Variants in CXXC5 observed in about 807,000 individuals in gnomAD.
CXXC5 encodes CXXC finger protein 5, also known as CXXC-type zinc finger protein 5.
A neutral mutation model predicts 17.6 loss-of-function variants in CXXC5; 2 were observed. The ratio of observed to expected loss-of-function variants is 0.11; its 90% CI spans 0.05 to 0.36. The LOEUF (loss-of-function observed/expected upper bound fraction) is 0.36, where lower values mean the gene tolerates loss of function less well. Ranked by LOEUF, CXXC5 falls within the 10% of genes least tolerant of loss-of-function variation. The probability of loss-of-function intolerance (pLI) is 1.00; values close to 1 mark genes in which losing one functional copy is unlikely to be tolerated. For synonymous variants in CXXC5, 171 were observed against 193.0 expected, an observed-to-expected ratio of 0.89 and a Z score of 0.94; for missense variants, 343 against 458.3, an observed-to-expected ratio of 0.75 and a Z score of 2.30.
Position 139,648,562 on chromosome 5 carries a change from C to A in CXXC5, c.-444C>A, listed in dbSNP as rs1754981237. On this transcript the variant is annotated 5_prime_UTR_variant, in exon 1 of 3. Coordinates refer to ENST00000302517, the MANE Select transcript of CXXC5 (RefSeq NM_016463.9). ...GGCGCCGCACGCTGAGCCCTCCGCCCGCGAGCCGCGCTCAGCTCGGGGGTG... is the reference window on the plus strand; with the variant it reads ...GGCGCCGCACGCTGAGCCCTCCGCCAGCGAGCCGCGCTCAGCTCGGGGGTG... 6.6e-6 allele frequency: 1 copy of A among 151,966 alleles called. No individual in the cohort carries two copies. The highest frequency in any genetic ancestry group is 2.4e-5 in the African/African-American group (1 of 41,468). 9.4% of individuals were successfully genotyped at this position (151,966 alleles called of 1,614,324 possible). A position where few individuals can be genotyped will look rare whatever the true frequency, so the allele number is the denominator to read the frequency against.
intron 1 of CXXC5, 62 bp from the exon 2 acceptor site, chr5:139,680,302 G>C: frequency 1.6e-6 from 1 of 607,812 alleles, no homozygotes. Flanking sequence ...TAGTGGCGGT[G>C]GTGGCGATGT....
chr5:139,679,091 C>T (rs553415853), intron 1 of CXXC5, among the ~76,000 whole-genome samples: 101 of 152,328 alleles, frequency 6.6e-4, no homozygotes, highest in Non-Finnish European at 9.6e-4. Flanking sequence ...GGGCTCCATT[C>T]CCTTGAGGGT....
chr5:139,659,614 G>T (rs1755670457), intron 1 of CXXC5: 1 of 152,278 alleles, frequency 6.6e-6, no homozygotes, highest in African/African-American at 2.4e-5. Context: ...CCGCTGCGGG[G>T]GTGGCAGATG....
At chr5:139,653,617 GTCTGGTCCCAACCTT>G (rs1243909525) in intron 1 of CXXC5, among the ~76,000 whole-genome samples, 1 of 152,130 alleles carries the variant, frequency 6.6e-6, no homozygotes, top group Admixed American at 6.5e-5. Flanking sequence ...TTGAGAAGCA[GTCTGGTCCCAACCTT>G]TCCCTGTACC....
intron 1 of CXXC5, among the ~76,000 whole-genome samples, chr5:139,659,375 G>A (rs1316994784): frequency 6.6e-6 from 1 of 152,174 alleles, no homozygotes. Context: ...GCAGGAAGGA[G>A]GGCAATGGGG....
intron 1 of CXXC5, among the ~76,000 whole-genome samples, chr5:139,662,262 C>G (rs1755861208): frequency 1.3e-5 from 2 of 152,108 alleles, no homozygotes; most frequent in Non-Finnish European, 2.9e-5. Context: ...GGTTCTTAGT[C>G]TACAGCCCTG....
intron 1 of CXXC5, among the ~76,000 whole-genome samples, chr5:139,650,573 T>G (rs1419643068): frequency 2.0e-5 from 3 of 152,148 alleles, no homozygotes; most frequent in Non-Finnish European, 4.4e-5. Flanking sequence ...GCGGACTTGT[T>G]TGGAGCGCGA....
chr5:139,658,125 C>T lies in CXXC5; in HGVS notation c.-161+9280C>T, dbSNP rs1755589133. Among the ~76,000 whole-genome samples the T allele has an allele frequency of 6.6e-6, 1 of 151,946 alleles. No individual in the cohort carries two copies. The highest frequency in any genetic ancestry group is 1.5e-5 in the Non-Finnish European group (1 of 67,972). On this transcript the variant is annotated intron_variant, in intron 1 of 2. Coordinates refer to ENST00000302517, the MANE Select transcript of CXXC5 (RefSeq NM_016463.9). The surrounding 1 kb of genome is among the most constrained non-coding windows in gnomAD (Gnocchi z 4.1). ...CCAGCCCCTCTCCTGCCTGACCCAC[C>T]TCCCCCAGAACTAGATGGGAAATTA...
In CXXC5 at chr5:139,661,166, G is replaced by A. The variant is rs987118856; in HGVS notation, c.-161+12321G>A. Among the ~76,000 whole-genome samples the A allele has an allele frequency of 2.6e-5, 4 of 152,282 alleles. No homozygotes were observed. The highest frequency in any genetic ancestry group is 3.9e-4 in the East Asian group (2 of 5,180). On this transcript the variant is annotated intron_variant, in intron 1 of 2. Coordinates refer to ENST00000302517, the MANE Select transcript of CXXC5 (RefSeq NM_016463.9). The surrounding 1 kb of genome is among the most constrained non-coding windows in gnomAD (Gnocchi z 4.7). ...TTTATCAAGCCAGCCTCCCCGCCGC[G>A]GCTGCCCGCGCCGCCCCCCCACCTC...
chr5:139,649,893 T>C (rs1322410171), intron 1 of CXXC5, among the ~76,000 whole-genome samples: 1 of 152,100 alleles, frequency 6.6e-6, no homozygotes, highest in Non-Finnish European at 1.5e-5. Flanking sequence ...ATGTGTTAAT[T>C]TTCTGGCTGG....
chr5:139,677,007 G>A (rs1052596371), intron 1 of CXXC5, among the ~76,000 whole-genome samples: 71 of 123,006 alleles, frequency 5.8e-4, no homozygotes, highest in South Asian at 7.9e-4. Flanking sequence ...CTCTGTCCCC[G>A]CCCGTCAGCC....
chr5:139,663,383 C>T lies in CXXC5; in HGVS notation c.-161+14538C>T, dbSNP rs910941045. Reference sequence around the variant, plus strand: ...TGCCTTTGTGGCAGGGCTGTCAGGGCTGTGGGAGATCTAAGAAGAGCCGAC... The same window carrying T: ...TGCCTTTGTGGCAGGGCTGTCAGGGTTGTGGGAGATCTAAGAAGAGCCGAC... On this transcript the variant is annotated intron_variant, in intron 1 of 2. Transcript: ENST00000302517. The surrounding 1 kb of genome is among the most constrained non-coding windows in gnomAD (Gnocchi z 4.2). Among the ~76,000 whole-genome samples, 9 of 152,024 alleles carry T rather than the reference C, an allele frequency of 5.9e-5. No homozygotes were observed. Among genetic ancestry groups the T allele is most frequent in the Admixed American group, 5.2e-4 (8 of 15,274 alleles).
rs1581581926 is a variant in CXXC5 at position 139,661,159 on chromosome 5, C to G, written c.-161+12314C>G. 6.6e-6 allele frequency among the ~76,000 whole-genome samples: 1 copy of G among 152,176 alleles called. No individual in the cohort carries two copies. Among genetic ancestry groups the G allele is most frequent in the African/African-American group, 2.4e-5 (1 of 41,430 alleles). On this transcript the variant is annotated intron_variant, in intron 1 of 2. Transcript: ENST00000302517. The surrounding 1 kb of genome is among the most constrained non-coding windows in gnomAD (Gnocchi z 4.7). ...CAGGTTATTTATCAAGCCAGCCTCC[C>G]CGCCGCGGCTGCCCGCGCCGCCCCC...
chr5:139,680,907 C>T lies in CXXC5; in HGVS notation c.384C>T (p.Asp128=). The T allele has an allele frequency of 6.2e-7, 1 of 1,603,164 alleles. No homozygotes were observed. Among genetic ancestry groups the T allele is most frequent in the South Asian group, 1.1e-5 (1 of 91,088 alleles). ...ACCTGGCGGCGGCCATGGCGGTGGA[C>T]AAAAGCAACCCTACCTCAAAGCACA... ...GHDLAAAMAV[D]KSNPTSKHKS... The change falls in exon 2 of 3, where the codon GAC becomes GAT. Residue 128 remains aspartate, a synonymous_variant. Coordinates refer to ENST00000302517, the MANE Select transcript of CXXC5 (RefSeq NM_016463.9).
chr5:139,667,103 G>A (rs144930054), intron 1 of CXXC5, among the ~76,000 whole-genome samples: 2 of 152,294 alleles, frequency 1.3e-5, no homozygotes, highest in African/African-American at 4.8e-5. Context: ...GCTGAGCTGG[G>A]CACTTTGCAT....
intron 1 of CXXC5, among the ~76,000 whole-genome samples, chr5:139,667,180 A>AG (rs1189850513): frequency 6.6e-6 from 1 of 152,208 alleles, no homozygotes; most frequent in Non-Finnish European, 1.5e-5. Context: ...CTTGGGTTTA[A>AG]GTGGGTCACA....
intron 2 of CXXC5, 55 bp from the exon 3 acceptor site, chr5:139,682,808 C>A: frequency 6.5e-7 from 1 of 1,529,754 alleles, no homozygotes; most frequent in Non-Finnish European, 8.9e-7. Flanking sequence ...TTGCTCCAGG[C>A]CTACCCGGAC....
intron 1 of CXXC5, among the ~76,000 whole-genome samples, chr5:139,667,206 T>C (rs1470544219): frequency 1.3e-5 from 2 of 152,216 alleles, no homozygotes; most frequent in Non-Finnish European, 2.9e-5. Flanking sequence ...TCCCTGAGCA[T>C]CCTGTGTAGG....
rs1757350896 is a variant in CXXC5, at chr5:139,683,107, GA to G, written c.*207del. ...CACGTCCCTAGCATAAAAAGAAAAA[GA>G]AAAAAATTTAAACTGCTTTTTCGGA... On this transcript the variant is annotated 3_prime_UTR_variant, in exon 3 of 3. Transcript: ENST00000302517. The G allele has an allele frequency of 4.0e-5, 17 of 426,486 alleles. 1 individual carries two copies. Among genetic ancestry groups the G allele is most frequent in the Middle Eastern group, 4.9e-4 (1 of 2,034 alleles). The allele number at this position is 426,486 out of a possible 1,614,324, so 26.4% of individuals were successfully genotyped here.
Sources: allele counts gnomAD v4.1 joint callset (sites outside exome capture counted in the v4.1 genomes callset), GRCh38; gene constraint gnomAD v4.1.1; non-coding constraint Gnocchi (gnomAD v3.1); transcripts MANE v1.5; gene names NCBI Gene and HGNC (gene_info 2026-07-23, HGNC 2026-07-21).